The following UGT3A1 variants were observed in gnomAD, a reference collection of about 807,000 sequenced individuals.
UGT3A1 encodes the protein UDP glycosyltransferase family 3 member A1, also known as UDP-glycosyltransferase 3A1.
UGT3A1 carries 40 observed loss-of-function variants against 37.6 expected under a neutral mutation model. The ratio of observed to expected loss-of-function variants is 1.06; its 90% CI spans 0.83 to 1.38. The LOEUF is 1.38. Ranked by LOEUF, UGT3A1 falls within the 40% of genes most tolerant of loss-of-function variation. The pLI is 0.00. For synonymous variants in UGT3A1, 256 were observed against 232.3 expected (o/e 1.10, Z -0.93); for missense variants, 642 against 634.2 (o/e 1.01, Z -0.13).
At chr5:35,994,310 AGTTTT>A (rs1160523158), upstream of UGT3A1, among the ~76,000 whole-genome samples, 17 of 138,764 alleles carry the variant, frequency 1.2e-4, no homozygotes, top group East Asian at 3.4e-3. Flanking sequence ...TGTTGTTTCT[AGTTTT>A]GTTTTGTTTT....
intron 4 of UGT3A1, among the ~76,000 whole-genome samples, chr5:35,963,124 C>T (rs1739657083): frequency 6.6e-6 from 1 of 152,192 alleles, no homozygotes; most frequent in Non-Finnish European, 1.5e-5. Context: ...ACCCGTGAAG[C>T]AGGGTGGGGC....
At chr5:35,977,176 G>T (rs13183231) in intron 2 of UGT3A1, among the ~76,000 whole-genome samples, 76,941 of 150,370 alleles carry the variant, frequency 0.51, 22,651 homozygotes, top group Non-Finnish European at 0.66. Context: ...TATAACAGAC[G>T]TGTACACAAA....
At chr5:36,000,112 A>C (rs1741187808) in intron 1 of UGT3A1, among the ~76,000 whole-genome samples, 1 of 152,162 alleles carries the variant, frequency 6.6e-6, no homozygotes. Flanking sequence ...AAACATATCT[A>C]AGTTCACGAA....
chr5:35,986,578 G>T lies in UGT3A1; in HGVS notation c.196+1872C>A, dbSNP rs369272491. Reference sequence around the variant, plus strand: ...AAGTGAAATAAGCCAAGCATAGAAAGAAAAATATCCAATGTTCTCACCCAT... The same window carrying T: ...AAGTGAAATAAGCCAAGCATAGAAATAAAAATATCCAATGTTCTCACCCAT... On this transcript the variant is annotated intron_variant, in intron 2 of 6. Transcript: ENST00000274278. Among the ~76,000 whole-genome samples the T allele has an allele frequency of 8.5e-5, 13 of 152,180 alleles. 1 individual carries two copies. The highest frequency in any genetic ancestry group is 3.9e-4 in the East Asian group (2 of 5,190).
At chr5:35,999,642 C>T (rs1302934606) in intron 1 of UGT3A1, among the ~76,000 whole-genome samples, 1 of 152,102 alleles carries the variant, frequency 6.6e-6, no homozygotes, top group Non-Finnish European at 1.5e-5. Context: ...TAAAATGAAA[C>T]CCTGGTGTAA....
chr5:35,994,895 C>G (rs1451974571), upstream of UGT3A1, among the ~76,000 whole-genome samples: 3 of 152,142 alleles, frequency 2.0e-5, no homozygotes, highest in African/African-American at 7.2e-5. Flanking sequence ...AATATTTAAC[C>G]AAGTGGACCA....
chr5:35,987,494 C>A (rs1740773292), intron 2 of UGT3A1, among the ~76,000 whole-genome samples: 1 of 152,120 alleles, frequency 6.6e-6, no homozygotes, highest in African/African-American at 2.4e-5. Flanking sequence ...GCTATTGGAA[C>A]CACCAAAATA....
At chr5:35,965,359 CA>C (rs777871537) in intron 4 of UGT3A1, 26 bp downstream of exon 4, 4 of 1,604,126 alleles carry the variant, frequency 2.5e-6, no homozygotes, top group Non-Finnish European at 3.4e-6. Context: ...ATGTGAATCC[CA>C]AACTGAATGC....
At chr5:35,993,531 C>A (rs1290938192), upstream of UGT3A1, among the ~76,000 whole-genome samples, 2 of 152,162 alleles carry the variant, frequency 1.3e-5, no homozygotes, top group African/African-American at 4.8e-5. Flanking sequence ...CTACCCACCC[C>A]TTACATGAAA....
intron 2 of UGT3A1, among the ~76,000 whole-genome samples, chr5:35,974,338 C>T (rs559535933): frequency 1.3e-4 from 20 of 152,228 alleles, no homozygotes; most frequent in South Asian, 2.1e-4. Flanking sequence ...TAGATATACT[C>T]GGTATTGGCA....
In UGT3A1 at chr5:35,965,797, A is replaced by G. The variant is rs942821834; in HGVS notation, c.432T>C (p.Val144=). 2.5e-6 allele frequency: 4 copies of G among 1,614,240 alleles called. No homozygotes were observed. Among genetic ancestry groups the G allele is most frequent in the Non-Finnish European group, 3.4e-6 (4 of 1,180,040 alleles). The change falls in exon 4 of 7, where the codon GTT becomes GTC. Residue 144 remains valine (V), a synonymous_variant. Transcript: ENST00000274278. ...GGAAAGAACAGAAATCAAATGCTTC[A>G]ACAAATACCAGATCATAGTTCTCAT... ...LKNENYDLVF[V]EAFDFCSFLI...
At chr5:35,991,035 C>T in intron 1 of UGT3A1, 112 bp downstream of exon 1, 1 of 1,607,062 alleles carries the variant, frequency 6.2e-7, no homozygotes, top group Non-Finnish European at 8.5e-7. Flanking sequence ...GGTCCGCAAG[C>T]CCAGCCTGGA....
At chr5:35,972,626 T>C (rs1740091542) in intron 2 of UGT3A1, among the ~76,000 whole-genome samples, 1 of 151,984 alleles carries the variant, frequency 6.6e-6, no homozygotes, top group South Asian at 2.1e-4. Context: ...ATATTGATTA[T>C]ATTTGAAACC....
chr5:35,984,251 C>T (rs991279487), intron 2 of UGT3A1, among the ~76,000 whole-genome samples: 4 of 152,112 alleles, frequency 2.6e-5, no homozygotes, highest in Admixed American at 2.0e-4. Flanking sequence ...TTTCCATATG[C>T]CAACAGCAAA....
intron 1 of UGT3A1, among the ~76,000 whole-genome samples, chr5:36,000,259 A>G (rs750557934): frequency 6.6e-6 from 1 of 152,184 alleles, no homozygotes; most frequent in Non-Finnish European, 1.5e-5. Context: ...AAGATAACCA[A>G]TCCAACTTTT....
chr5:35,997,074 C>T (rs1340177240), intron 2 of UGT3A1, among the ~76,000 whole-genome samples: 1 of 152,096 alleles, frequency 6.6e-6, no homozygotes, highest in African/African-American at 2.4e-5. Flanking sequence ...AAAAGGGGCT[C>T]ATTATTTCCT....
chr5:35,965,369 G>A lies in UGT3A1; in HGVS notation c.843+17C>T, dbSNP rs745378303. On this transcript the variant is annotated intron_variant, in intron 4 of 6. Transcript: ENST00000274278. ...ACTCTATGTGAATCCCAAACTGAAT[G>A]CTGAGGGTTCACTTACTTGTGGTAC... 47 of 1,609,304 alleles carry A rather than the reference G, an allele frequency of 2.9e-5. 1 individual carries two copies. Among genetic ancestry groups the A allele is most frequent in the Non-Finnish European group, 3.5e-5 (41 of 1,177,000 alleles).
chr5:35,977,073 GAAA>G (rs1740312612), intron 2 of UGT3A1, among the ~76,000 whole-genome samples: 5 of 122,430 alleles, frequency 4.1e-5, no homozygotes, highest in South Asian at 2.8e-4. Flanking sequence ...GAGAAAGAAA[GAAA>G]AGAAAGAAAG....
intron 4 of UGT3A1, among the ~76,000 whole-genome samples, chr5:35,963,941 G>A (rs1049359805): frequency 6.6e-6 from 1 of 152,188 alleles, no homozygotes; most frequent in Non-Finnish European, 1.5e-5. Flanking sequence ...TTTAGTGGCT[G>A]AGCCAAATGC....
Sources: allele counts gnomAD v4.1 joint callset (sites outside exome capture counted in the v4.1 genomes callset), GRCh38; gene constraint gnomAD v4.1.1; transcripts MANE v1.5; gene names NCBI Gene and HGNC (gene_info 2026-07-23, HGNC 2026-07-21).